The following PYROXD1 variants were observed in gnomAD, a reference collection of about 807,000 sequenced individuals.
The protein encoded by PYROXD1 is pyridine nucleotide-disulphide oxidoreductase domain 1.
A neutral mutation model predicts 62.0 loss-of-function variants in PYROXD1; 42 were observed. The ratio of observed to expected loss-of-function variants is 0.68; its 90% CI spans 0.53 to 0.88. The LOEUF (loss-of-function observed/expected upper bound fraction) is 0.88, where lower values mean the gene tolerates loss of function less well. Ranked by LOEUF, PYROXD1 falls within the 40% of genes least tolerant of loss-of-function variation. PYROXD1 has a pLI of 0.00. For synonymous variants in PYROXD1, 170 were observed against 206.4 expected (o/e 0.82, Z 1.51); for missense variants, 493 against 604.8 (o/e 0.82, Z 1.94).
At chr12:21,451,541 GAT>G (rs1404903081) in intron 4 of PYROXD1, among the ~76,000 whole-genome samples, 3 of 152,124 alleles carry the variant, frequency 2.0e-5, no homozygotes, top group East Asian at 3.9e-4. Flanking sequence ...GAAACATTAG[GAT>G]ATATAGTCCC....
intron 7 of PYROXD1, among the ~76,000 whole-genome samples, chr12:21,458,585 T>C (rs897824450): frequency 1.3e-5 from 2 of 152,160 alleles, no homozygotes; most frequent in African/African-American, 4.8e-5. Context: ...TGATTTAAAG[T>C]GAGAGATGTG....
intron 6 of PYROXD1, 79 bp downstream of exon 6, chr12:21,455,371 A>ATTTT: frequency 1.2e-6 from 1 of 868,256 alleles, no homozygotes; most frequent in Non-Finnish European, 1.6e-6. Flanking sequence ...AAGAAAATTT[A>ATTTT]ATAAAATAAA....
chr12:21,446,792 G>A (rs1171044165), intron 3 of PYROXD1, among the ~76,000 whole-genome samples: 1 of 151,962 alleles, frequency 6.6e-6, no homozygotes, highest in Non-Finnish European at 1.5e-5. Flanking sequence ...GCGTGCACTT[G>A]TAGTCCCAGC....
intron 7 of PYROXD1, 78 bp from the exon 8 acceptor site, chr12:21,460,947 A>T: frequency 1.1e-6 from 1 of 872,596 alleles, no homozygotes; most frequent in Non-Finnish European, 1.7e-6. Context: ...CTACAAGTAT[A>T]CGTTTTTTCT....
intron 11 of PYROXD1, 63 bp downstream of exon 11, chr12:21,467,681 T>G: frequency 8.0e-7 from 1 of 1,251,408 alleles, no homozygotes; most frequent in Non-Finnish European, 1.1e-6. Flanking sequence ...TGATAAATCA[T>G]GTGATTTTCT....
intron 3 of PYROXD1, chr12:21,448,280 G>A (rs185693412): frequency 1.3e-3 from 491 of 365,360 alleles, no homozygotes; most frequent in Non-Finnish European, 2.1e-3. Context: ...TTCCTAGTGA[G>A]GCGAGGACGC....
Position 21,456,047 on chromosome 12 carries a change from A to G in PYROXD1, c.702A>G (p.Ala234=). ...CTAAAGCAGATAATGTAGGAAGTGC[A>G]TTGGGACCAGATTGGCATGAAGGCT... The part of the protein sequence containing the change: ...SKSKADNVGS[A]LGPDWHEGLN... Residue 234 remains alanine, a synonymous_variant, in exon 7 of 12, where the codon GCA becomes GCG. Coordinates refer to ENST00000240651, the MANE Select transcript of PYROXD1 (RefSeq NM_024854.5). 6.8e-6 allele frequency: 11 copies of G among 1,612,128 alleles called. No individual in the cohort carries two copies. Among genetic ancestry groups the G allele is most frequent in the Non-Finnish European group, 8.5e-6 (10 of 1,178,912 alleles).
chr12:21,449,376 C>T (rs1348002774), intron 3 of PYROXD1, among the ~76,000 whole-genome samples, 187 bp from the exon 4 acceptor site: 1 of 152,000 alleles, frequency 6.6e-6, no homozygotes, highest in Non-Finnish European at 1.5e-5. Context: ...TTAAGAATAA[C>T]TGGATTAGTA....
intron 3 of PYROXD1, chr12:21,448,138 A>C (rs758547240): frequency 8.9e-6 from 6 of 675,774 alleles, no homozygotes; most frequent in African/African-American, 1.8e-5. Flanking sequence ...TTTACAGTAA[A>C]TTCATGGCCA....
intron 3 of PYROXD1, among the ~76,000 whole-genome samples, chr12:21,446,812 G>A (rs2137250945): frequency 6.6e-6 from 1 of 152,162 alleles, no homozygotes; most frequent in South Asian, 2.1e-4. Context: ...CTACTTTGGT[G>A]ACTGAGGTGG....
At position 21,470,871 on chromosome 12, in the gene PYROXD1, A is replaced by G; in HGVS notation, c.*2117A>G. 1.2e-6 allele frequency: 1 copy of G among 837,552 alleles called. No homozygotes were observed. Among genetic ancestry groups the G allele is most frequent in the Non-Finnish European group, 1.6e-6 (1 of 611,478 alleles). The allele number at this position is 837,552 out of a possible 1,614,324, so 51.9% of individuals were successfully genotyped here. A position where few individuals can be genotyped will look rare whatever the true frequency, so the allele number is the denominator to read the frequency against. The stretch of plus-strand genomic sequence containing the variant: ...TCTAATCAGAAAACTGACTTTTCTC[A>G]TGTTCAACTGGACCTAGGGGAATAT... On this transcript the variant is annotated 3_prime_UTR_variant, in exon 12 of 12. Transcript: ENST00000240651.
rs903793253 is a variant in PYROXD1 at position 21,467,634 on chromosome 12, A to C, written c.1254+16A>C. On this transcript the variant is annotated intron_variant, in intron 11 of 11. Coordinates refer to ENST00000240651, the MANE Select transcript of PYROXD1 (RefSeq NM_024854.5). ...TAACTATAAGGTAAGATAGTTAAGC[A>C]TATTAATGCCTTCTCTGCTTGTTAG... The C allele has an allele frequency of 6.3e-7, 1 of 1,587,680 alleles. No homozygotes were observed. Among genetic ancestry groups the C allele is most frequent in the African/African-American group, 1.4e-5 (1 of 74,042 alleles).
At position 21,462,134 on chromosome 12, in the gene PYROXD1, T is replaced by A. The variant is rs756316406; in HGVS notation, c.993+14T>A. On this transcript the variant is annotated intron_variant, in intron 9 of 11. Transcript: ENST00000240651. ...CATGGTAACAGTGTAAGGTGAAATT[T>A]TTTTGTCCAGCTGTGAATATATTTG... 3.3e-6 allele frequency: 5 copies of A among 1,501,324 alleles called. No homozygotes were observed. The highest frequency in any genetic ancestry group is 4.6e-6 in the Non-Finnish European group (5 of 1,081,772). 93.0% of individuals were successfully genotyped at this position (1,501,324 alleles called of 1,614,324 possible). A position where few individuals can be genotyped will look rare whatever the true frequency, so the allele number is the denominator to read the frequency against.
chr12:21,448,444 C>T (rs753266712), intron 3 of PYROXD1: 3 of 181,896 alleles, frequency 1.6e-5, no homozygotes, highest in Non-Finnish European at 3.4e-5. Context: ...GTTTTTACAG[C>T]AGCTAAATGC....
At chr12:21,452,731 T>C (rs943002503) in intron 5 of PYROXD1, among the ~76,000 whole-genome samples, 7 of 152,146 alleles carry the variant, frequency 4.6e-5, no homozygotes, top group Non-Finnish European at 7.4e-5. Context: ...TCCTGCTGTG[T>C]CCTGCAGAAG....
At chr12:21,442,009 A>G (rs1344122531) in intron 2 of PYROXD1, among the ~76,000 whole-genome samples, 1 of 152,186 alleles carries the variant, frequency 6.6e-6, no homozygotes, top group Non-Finnish European at 1.5e-5. Flanking sequence ...GATTGCAGGG[A>G]TCCTCAGCAT....
At chr12:21,467,193 A>G (rs186772121) in intron 10 of PYROXD1, 120 of 236,000 alleles carry the variant, frequency 5.1e-4, no homozygotes, top group African/African-American at 2.4e-3. Context: ...TAATTAAAAC[A>G]TTTTTCTCAC....
In PYROXD1 at chr12:21,449,615, G is replaced by T; in HGVS notation, c.338G>T (p.Cys113Phe). 1 of 1,613,118 alleles carries T rather than the reference G, an allele frequency of 6.2e-7. No homozygotes were observed. Among genetic ancestry groups the T allele is most frequent in the Non-Finnish European group, 8.5e-7 (1 of 1,179,272 alleles). Residue 113 changes from cysteine (C) to phenylalanine (F), a missense_variant, in exon 4 of 12, where the codon TGT (cysteine) becomes TTT (phenylalanine). Transcript: ENST00000240651. ...CACGTATATAAGAAACTCTGTCTGT[G>T]TGCTGGAGCTAAACCAAAGTTGATA... ...NQHVYKKLCL[C>F]AGAKPKLICE...
At chr12:21,439,846 T>C (rs1467396593) in intron 1 of PYROXD1, among the ~76,000 whole-genome samples, 2 of 152,214 alleles carry the variant, frequency 1.3e-5, no homozygotes, top group African/African-American at 2.4e-5. Context: ...ATTATTAAAA[T>C]GGCTTTATCG....
Sources: allele counts gnomAD v4.1 joint callset (sites outside exome capture counted in the v4.1 genomes callset), GRCh38; gene constraint gnomAD v4.1.1; transcripts MANE v1.5; gene names NCBI Gene and HGNC (gene_info 2026-07-23, HGNC 2026-07-21).